COL5A3: variants seen among roughly 807,000 people sequenced by gnomAD.
The protein encoded by COL5A3 is collagen alpha-3(V) chain.
In COL5A3, 172 loss-of-function variants were observed where a neutral mutation model predicts 250.0. The observed-to-expected ratio is 0.69, with a 90% confidence interval of 0.61 to 0.78. The LOEUF is 0.78. Among genes scored for constraint, COL5A3 ranks in the 30% least tolerant of loss-of-function variants. The pLI is 0.00. For synonymous variants in COL5A3, 937 were observed against 900.4 expected (o/e 1.04, Z -0.73); for missense variants, 2,340 against 2,334.4 (o/e 1.00, Z -0.05).
chr19:9,978,544 C>G (rs116927932), intron 41 of COL5A3, 30 bp downstream of exon 41: 12 of 1,510,572 alleles, frequency 7.9e-6, no homozygotes, highest in Non-Finnish European at 1.1e-5. Flanking sequence ...CTCCACCCTG[C>G]CCCCACCCAG....
rs1165835508 is a variant in COL5A3, at chr19:10,006,118, C to G, written c.202G>C (p.Gly68Arg). Residue 68 changes from glycine to arginine, a missense_variant, in exon 2 of 67, where the codon GGC (glycine) becomes CGC (arginine). Physicochemically the swap from Gly to Arg is moderately radical, Grantham distance 125 (BLOSUM62 -2). Around this residue, in one of 3 missense-constraint regions of COL5A3, gnomAD observed 1,152 missense variants for 1,146.3 expected, o/e 1.00. Coordinates refer to ENST00000264828, the MANE Select transcript of COL5A3 (RefSeq NM_015719.4). ...GGGATGCCGAGCGTGCTGGCCTGGC[C>G]AATTCTGAATGCCCGGTCACCCTCT... ...TPEGDRAFRIGQASTLGIPTW... is the reference protein window; with the variant it reads ...TPEGDRAFRIRQASTLGIPTW... 3 of 1,613,886 alleles carry G rather than the reference C, an allele frequency of 1.9e-6. No homozygotes were observed. The South Asian group carries it at 3.3e-5, about 18-fold the overall frequency.
At chr19:9,977,194 C>A (rs1185751245) in intron 44 of COL5A3, 35 bp downstream of exon 44, 1 of 1,606,508 alleles carries the variant, frequency 6.2e-7, no homozygotes, top group East Asian at 2.2e-5. Context: ...TTCCGCTACC[C>A]ACCCCACCCT....
intron 25 of COL5A3, 50 bp downstream of exon 25, chr19:9,989,419 C>G (rs769426916): frequency 1.7e-4 from 276 of 1,613,774 alleles, no homozygotes; most frequent in Admixed American, 4.3e-4. Flanking sequence ...CATTCCAATT[C>G]CCAAGGCTCC....
At chr19:9,988,669 A>T (rs1383211893) in intron 27 of COL5A3, among the ~76,000 whole-genome samples, 3 of 151,638 alleles carry the variant, frequency 2.0e-5, no homozygotes, top group Non-Finnish European at 4.4e-5. Flanking sequence ...TGTCTCTAAT[A>T]AAAATACAAA....
Position 9,979,133 on chromosome 19 carries a change from T to A in COL5A3, c.2873A>T (p.Lys958Met). The A allele has an allele frequency of 6.3e-7, 1 of 1,579,020 alleles. No homozygotes were observed. The highest frequency in any genetic ancestry group is 1.2e-5 in the South Asian group (1 of 85,828). ...GATCTCCAGTGGACAGTGTCTCACC[T>A]TGGCCCCCTCTCTGCCTTCCAGGCC... Reference protein sequence around the residue: ...LPGLEGREGAKGELGPPGPLG... With the variant: ...LPGLEGREGAMGELGPPGPLG... The change falls in exon 39 of 67, where the codon AAG becomes ATG. Residue 958 changes from lysine (K) to methionine (M), a missense_variant and splice_region_variant. Lys to Met is a moderately conservative substitution (Grantham distance 95). Transcript: ENST00000264828.
At position 9,989,538 on chromosome 19, in the gene COL5A3, C is replaced by T. The variant is rs1272646325; in HGVS notation, c.1993-16G>A. 3 of 1,606,576 alleles carry T rather than the reference C, an allele frequency of 1.9e-6. No individual in the cohort carries two copies. The highest frequency in any genetic ancestry group is 1.3e-5 in the African/African-American group (1 of 74,706). ...CAGGGGGACCCTGAAAGAAGATGAA[C>T]AGCAGGGGAGAGACAGAGGTGCTCA... On this transcript the variant is annotated splice_polypyrimidine_tract_variant and intron_variant, in intron 24 of 66. Transcript: ENST00000264828.
chr19:9,993,574 T>C (rs1286176341), intron 18 of COL5A3, 45 bp downstream of exon 18: 1 of 1,606,662 alleles, frequency 6.2e-7, no homozygotes, highest in Admixed American at 1.7e-5. Context: ...GGCTTGAATA[T>C]TGGGAGGAGG....
intron 50 of COL5A3, among the ~76,000 whole-genome samples, 168 bp downstream of exon 50, chr19:9,973,402 C>T (rs1407318237): frequency 6.6e-6 from 1 of 152,188 alleles, no homozygotes; most frequent in African/African-American, 2.4e-5. Context: ...TACATAGCAG[C>T]CCTATCTGAG....
At chr19:9,970,098 AGTGG>A (rs2086809968) in intron 54 of COL5A3, among the ~76,000 whole-genome samples, 176 bp from the exon 55 acceptor site, 1 of 17,442 alleles carries the variant, frequency 5.7e-5, no homozygotes, top group East Asian at 2.0e-3. Flanking sequence ...GCTGTGGCTG[AGTGG>A]AGGCTGTGGG....
intron 8 of COL5A3, among the ~76,000 whole-genome samples, chr19:10,000,191 G>T (rs1282051157): frequency 6.6e-6 from 1 of 152,058 alleles, no homozygotes; most frequent in Non-Finnish European, 1.5e-5. Context: ...CTGTCTCTTG[G>T]AATAAACCTG....
At position 10,009,994 on chromosome 19, in the gene COL5A3, TACGCA is replaced by T. The variant is rs1229201250; in HGVS notation, c.88+299_88+303del. ...CCATCAACCTCCACACGCAAGCACA[TACGCA>T]ACTTCACTCCAAATGCACACACATG... On this transcript the variant is annotated intron_variant, in intron 1 of 66. Transcript: ENST00000264828. This position sits in a 1 kb window ranked among gnomAD's most constrained non-coding sequence, Gnocchi z 4.4. Among the ~76,000 whole-genome samples the T allele has an allele frequency of 6.6e-6, 1 of 152,096 alleles. No individual in the cohort carries two copies. Among genetic ancestry groups the T allele is most frequent in the South Asian group, 2.1e-4 (1 of 4,816 alleles).
At chr19:10,003,234 C>T (rs936018541) in intron 6 of COL5A3, among the ~76,000 whole-genome samples, 2 of 152,120 alleles carry the variant, frequency 1.3e-5, no homozygotes, top group African/African-American at 2.4e-5. Context: ...AAACAGTAGC[C>T]CTCATCAAGA....
Position 9,968,495 on chromosome 19 carries a change from G to C in COL5A3, c.4207-3C>G. 3 of 1,584,332 alleles carry C rather than the reference G, an allele frequency of 1.9e-6. No homozygotes were observed. The highest frequency in any genetic ancestry group is 2.6e-6 in the Non-Finnish European group (3 of 1,170,840). On this transcript the variant is annotated splice_polypyrimidine_tract_variant and splice_region_variant and intron_variant, in intron 58 of 66. Coordinates refer to ENST00000264828, the MANE Select transcript of COL5A3 (RefSeq NM_015719.4). This position sits in a 1 kb window ranked among gnomAD's most constrained non-coding sequence, Gnocchi z 4.1. ...AGACCGATCAATCCAATGTGGCCCT[G>C]AAGGACAAAAGAGGCACAGACAGGG... is the stretch of plus-strand genomic sequence containing the variant.
chr19:9,989,178 C>G lies in COL5A3; in HGVS notation c.2092-1G>C. On this transcript the variant is annotated splice_acceptor_variant, in intron 26 of 66. Transcript: ENST00000264828. LOFTEE classifies it high-confidence loss of function. ...GAGGGCCTGCCGACCCTGGTGGACC[C>G]TGGGAGGAAAATAAGGTCAGTGCCA... The G allele has an allele frequency of 6.2e-7, 1 of 1,614,208 alleles. No individual in the cohort carries two copies. Among genetic ancestry groups the G allele is most frequent in the East Asian group, 2.2e-5 (1 of 44,884 alleles).
intron 64 of COL5A3, among the ~76,000 whole-genome samples, chr19:9,964,658 CAGGTTCTTGCTA>C: frequency 6.6e-6 from 1 of 151,782 alleles, no homozygotes; most frequent in Non-Finnish European, 1.5e-5. Flanking sequence ...TTATACCGGC[CAGGTTCTTGCTA>C]AGTGCTTTAC....
rs34667697 is a variant in COL5A3 at position 9,986,767 on chromosome 19, T to TAAAAAA, written c.2146-15_2146-10dup. 8 of 1,488,866 alleles carry TAAAAAA rather than the reference T, an allele frequency of 5.4e-6. No homozygotes were observed. Among genetic ancestry groups the TAAAAAA allele is most frequent in the Admixed American group, 5.3e-5 (3 of 56,846 alleles). The allele number at this position is 1,488,866 out of a possible 1,614,324, so 92.2% of individuals were successfully genotyped here. Reference sequence around the variant, plus strand: ...CGGTTGCCTGAAGTGCCCTGGAAAATAAAAAAAAAAAGCTCTCAAGCCTCT... The same window carrying TAAAAAA: ...CGGTTGCCTGAAGTGCCCTGGAAAATAAAAAAAAAAAAAAAAAGCTCTCAAGCCTCT... On this transcript the variant is annotated splice_polypyrimidine_tract_variant and intron_variant, in intron 27 of 66. Transcript: ENST00000264828.
chr19:9,960,349 C>T lies in COL5A3; in HGVS notation c.*62G>A. 1.2e-6 allele frequency: 2 copies of T among 1,602,582 alleles called. No individual in the cohort carries two copies. The highest frequency in any genetic ancestry group is 1.7e-6 in the Non-Finnish European group (2 of 1,172,060). On this transcript the variant is annotated 3_prime_UTR_variant, in exon 67 of 67. Coordinates refer to ENST00000264828, the MANE Select transcript of COL5A3 (RefSeq NM_015719.4). ...AACGAAAAATACGGTGGCTTCAAAG[C>T]CTCAGCACCAAATGCACCCCATTCT...
At chr19:9,967,589 CATT>C (rs2086772725) in intron 61 of COL5A3, 189 bp from the exon 62 acceptor site, 1 of 585,492 alleles carries the variant, frequency 1.7e-6, no homozygotes, top group East Asian at 3.1e-5. Flanking sequence ...CAGTTTTCAG[CATT>C]AGGCATCAGA....
intron 8 of COL5A3, among the ~76,000 whole-genome samples, chr19:9,999,190 T>C (rs2087318384): frequency 6.9e-6 from 1 of 144,312 alleles, no homozygotes; most frequent in Non-Finnish European, 1.5e-5. Flanking sequence ...GCTTGCTTGC[T>C]TTGCTTGGCA....
Sources: gnomAD v4.1 joint callset for allele counts (sites outside exome capture counted in the v4.1 genomes callset) on GRCh38, gnomAD v4.1.1 for gene constraint, gnomAD v4.1.1 regional missense constraint, Gnocchi (gnomAD v3.1) non-coding constraint, MANE v1.5 for transcripts, NCBI Gene and HGNC (gene_info 2026-07-23, HGNC 2026-07-21) for gene names.